Variants in ELP4 observed in about 807,000 individuals in gnomAD.
ELP4 encodes the protein elongator complex protein 4.
A neutral mutation model predicts 48.9 loss-of-function variants in ELP4; 51 were observed. The ratio of observed to expected loss-of-function variants is 1.04; its 90% CI spans 0.83 to 1.32. The LOEUF is 1.32. Among genes scored for constraint, ELP4 ranks in the 40% most tolerant of loss-of-function variants. The pLI is 0.00. For synonymous variants in ELP4, 210 were observed against 189.2 expected (o/e 1.11, Z -0.90); for missense variants, 519 against 514.6 (o/e 1.01, Z -0.08).
In ELP4 at chr11:31,783,387, C is replaced by A. The variant is rs1186998687; in HGVS notation, c.1144-6C>A. The A allele has an allele frequency of 6.2e-7, 1 of 1,608,386 alleles. No homozygotes were observed. Among genetic ancestry groups the A allele is most frequent in the South Asian group, 1.1e-5 (1 of 90,570 alleles). On this transcript the variant is annotated splice_polypyrimidine_tract_variant and splice_region_variant and intron_variant, in intron 9 of 9. Coordinates refer to ENST00000640961, the MANE Select transcript of ELP4 (RefSeq NM_019040.5). ...TTTTTTCTTCTCCTGAAATCTTCTG[C>A]CATAGCGACTGCATTTGCCTCCAGA...
In ELP4 at chr11:31,714,656, C is replaced by T. The variant is rs545440789; in HGVS notation, c.1143+64435C>T. The T allele has an allele frequency of 1.3e-4, 51 of 398,566 alleles. No homozygotes were observed. In the East Asian group the frequency reaches 1.8e-3, roughly 14 times the overall value. 24.7% of individuals were successfully genotyped at this position (398,566 alleles called of 1,614,324 possible). A position where few individuals can be genotyped will look rare whatever the true frequency, so the allele number is the denominator to read the frequency against. The stretch of plus-strand genomic sequence containing the variant: ...GCAGAGGTCCAAAAAGGGGTCAGCA[C>T]AGCTACGTTCCTCCTGGATGGTCCA... On this transcript the variant is annotated intron_variant, in intron 9 of 9. Coordinates refer to ENST00000640961, the MANE Select transcript of ELP4 (RefSeq NM_019040.5).
chr11:31,773,391 C>G (rs1462335779), intron 9 of ELP4, among the ~76,000 whole-genome samples: 2 of 152,136 alleles, frequency 1.3e-5, no homozygotes, highest in African/African-American at 4.8e-5. Context: ...AACTGGCCAG[C>G]AGGGAAGCAA....
At position 31,632,305 on chromosome 11, in the gene ELP4, G is replaced by A; in HGVS notation, c.827G>A (p.Gly276Asp). ...GATATTTGCTGTGCAGAAAATGGTG[G>A]CAACAGTCACAGCCTTACCAAGTTC... ...GDDICCAENGGNSHSLTKFLY... is the reference protein window; with the variant it reads ...GDDICCAENGDNSHSLTKFLY... Residue 276 changes from glycine (G) to aspartate (D), a missense_variant, in exon 7 of 10, where the codon GGC (glycine) becomes GAC (aspartate). By Grantham distance (94) the Gly-to-Asp change is moderately conservative. Transcript: ENST00000640961. The A allele has an allele frequency of 6.2e-7, 1 of 1,612,994 alleles. No homozygotes were observed. Among genetic ancestry groups the A allele is most frequent in the East Asian group, 2.2e-5 (1 of 44,804 alleles).
intron 9 of ELP4, among the ~76,000 whole-genome samples, chr11:31,773,904 G>A (rs1948196333): frequency 6.6e-6 from 1 of 152,198 alleles, no homozygotes; most frequent in African/African-American, 2.4e-5. Flanking sequence ...CTTAGGTGGG[G>A]CATGGTGGCT....
At position 31,786,032 on chromosome 11, in the gene ELP4, T is replaced by C. The variant is rs1948593220; in HGVS notation, c.*2508T>C. On this transcript the variant is annotated 3_prime_UTR_variant, in exon 10 of 10. Coordinates refer to ENST00000640961, the MANE Select transcript of ELP4 (RefSeq NM_019040.5). ...AACATGAGATAAATATTTTGACTAC[T>C]GCAGTTTGCTCAGGTGCTCGGGTTC... 4.9e-6 allele frequency: 1 copy of C among 204,542 alleles called. No individual in the cohort carries two copies. Among genetic ancestry groups the C allele is most frequent in the Non-Finnish European group, 1.0e-5 (1 of 99,732 alleles). The allele number at this position is 204,542 out of a possible 1,614,324, so 12.7% of individuals were successfully genotyped here. A position where few individuals can be genotyped will look rare whatever the true frequency, so the allele number is the denominator to read the frequency against.
intron 9 of ELP4, among the ~76,000 whole-genome samples, chr11:31,692,391 T>C (rs1946298820): frequency 1.3e-5 from 2 of 152,134 alleles, no homozygotes. Context: ...ATTAAGTACT[T>C]CTAGTGATAG....
chr11:31,562,751 C>G (rs990674057), intron 3 of ELP4, among the ~76,000 whole-genome samples: 3 of 152,008 alleles, frequency 2.0e-5, no homozygotes, highest in Admixed American at 6.6e-5. Flanking sequence ...TAAGTTAATT[C>G]ACTAATACTG....
intron 3 of ELP4, among the ~76,000 whole-genome samples, chr11:31,551,980 G>A (rs954614456): frequency 6.6e-6 from 1 of 151,988 alleles, no homozygotes; most frequent in Non-Finnish European, 1.5e-5. Flanking sequence ...CTTTTACTTT[G>A]GTTTCCCTAG....
chr11:31,532,531 A>T (rs1026754242), intron 2 of ELP4, among the ~76,000 whole-genome samples: 4 of 152,258 alleles, frequency 2.6e-5, no homozygotes, highest in Admixed American at 2.0e-4. Context: ...TTTTTTAATT[A>T]TCTACGAGTA....
chr11:31,609,016 GC>G (rs11350852), intron 5 of ELP4, among the ~76,000 whole-genome samples: 92,190 of 151,922 alleles, frequency 0.61, 31,728 homozygotes, highest in Non-Finnish European at 0.76. Flanking sequence ...TCCTTACCTT[GC>G]CAAGGTTTTG....
At chr11:31,729,351 T>A (rs1947137179) in intron 9 of ELP4, among the ~76,000 whole-genome samples, 1 of 152,174 alleles carries the variant, frequency 6.6e-6, no homozygotes, top group Non-Finnish European at 1.5e-5. Context: ...AAATATGTAT[T>A]GGCCCATTTC....
rs1216389004 is a variant in ELP4, at chr11:31,531,597, T to A, written c.260-8065T>A. 2.0e-5 allele frequency among the ~76,000 whole-genome samples: 3 copies of A among 152,298 alleles called. No homozygotes were observed. In the East Asian group the frequency reaches 5.8e-4, roughly 29 times the overall value. On this transcript the variant is annotated intron_variant, in intron 2 of 9. Coordinates refer to ENST00000640961, the MANE Select transcript of ELP4 (RefSeq NM_019040.5). ...GTCCTGAGGCAAGGAGCAATATGGG[T>A]GGTGCTAACAAGTAGTTTGCTATCC...
intron 9 of ELP4, among the ~76,000 whole-genome samples, chr11:31,769,425 C>A (rs910507276): frequency 2.4e-4 from 37 of 152,162 alleles, no homozygotes; most frequent in African/African-American, 8.9e-4. Context: ...TCGAAAGCTG[C>A]CAAATTTGAA....
intron 9 of ELP4, among the ~76,000 whole-genome samples, chr11:31,680,801 G>T (rs1042193988): frequency 2.6e-5 from 4 of 152,136 alleles, no homozygotes; most frequent in Non-Finnish European, 5.9e-5. Context: ...TAATGAAATT[G>T]TTAAGGAAGA....
intron 9 of ELP4, among the ~76,000 whole-genome samples, chr11:31,676,412 T>A (rs1280387569): frequency 6.6e-6 from 1 of 152,186 alleles, no homozygotes; most frequent in Non-Finnish European, 1.5e-5. Flanking sequence ...CTGTATAATT[T>A]TCATATCTAT....
intron 9 of ELP4, among the ~76,000 whole-genome samples, chr11:31,721,481 T>C (rs566975543): frequency 2.2e-4 from 33 of 152,138 alleles, no homozygotes; most frequent in Non-Finnish European, 1.8e-4. Context: ...TTTTTAACTG[T>C]CTTGGCTTTT....
At chr11:31,577,743 A>C (rs1957311366) in intron 3 of ELP4, among the ~76,000 whole-genome samples, 1 of 152,226 alleles carries the variant, frequency 6.6e-6, no homozygotes, top group Non-Finnish European at 1.5e-5. Flanking sequence ...AAAATTCAAC[A>C]GCTGTTCATG....
intron 5 of ELP4, among the ~76,000 whole-genome samples, chr11:31,618,486 T>G (rs890796052): frequency 2.0e-5 from 3 of 152,060 alleles, no homozygotes; most frequent in Non-Finnish European, 4.4e-5. Flanking sequence ...ACTCACCCTT[T>G]TGTACTGGCA....
intron 9 of ELP4, among the ~76,000 whole-genome samples, chr11:31,753,745 A>C (rs552347843): frequency 4.6e-5 from 7 of 152,224 alleles, no homozygotes; most frequent in Non-Finnish European, 1.0e-4. Flanking sequence ...AAAATGATAC[A>C]TGCATTATGA....
Sources: gnomAD v4.1 joint callset for allele counts (sites outside exome capture counted in the v4.1 genomes callset) on GRCh38, gnomAD v4.1.1 for gene constraint, MANE v1.5 for transcripts, NCBI Gene and HGNC (gene_info 2026-07-23, HGNC 2026-07-21) for gene names.